The following TMIE variants were observed in gnomAD, a reference collection of about 807,000 sequenced individuals.
TMIE encodes the protein transmembrane inner ear expressed protein.
TMIE carries 14 observed loss-of-function variants against 16.8 expected under a neutral mutation model. The observed-to-expected ratio is 0.83, with a 90% CI of 0.55 to 1.30. TMIE has a LOEUF of 1.30. Ranked by LOEUF, TMIE falls within the 50% of genes most tolerant of loss-of-function variation. The pLI is 0.00. For missense variants in TMIE, 204 were observed against 205.9 expected (o/e 0.99, Z 0.06); for synonymous variants, 75 against 87.2 (o/e 0.86, Z 0.78).
rs574171016 is a variant in TMIE at position 46,706,032 on chromosome 3, G to A, written c.211+125G>A. 1.8e-5 allele frequency: 19 copies of A among 1,027,778 alleles called. No homozygotes were observed. The East Asian group carries it at 1.9e-4, about 10-fold the overall frequency. 63.7% of individuals were successfully genotyped at this position (1,027,778 alleles called of 1,614,324 possible). On this transcript the variant is annotated intron_variant, in intron 2 of 3. Coordinates refer to ENST00000643606, the MANE Select transcript of TMIE (RefSeq NM_147196.3). ...TAGGCCAGGCACCCGCAGGAGACCCGCGGTGGTTTCTGGCACCTCCTGATC... is the reference window on the plus strand; with the variant it reads ...TAGGCCAGGCACCCGCAGGAGACCCACGGTGGTTTCTGGCACCTCCTGATC...
At chr3:46,702,957 G>T (rs182083319) in intron 1 of TMIE, among the ~76,000 whole-genome samples, 218 of 152,264 alleles carry the variant, frequency 1.4e-3, no homozygotes, top group Admixed American at 5.6e-3. Context: ...AAAGCTGGGG[G>T]TGGGGGTTAA....
chr3:46,703,828 G>A (rs946283801), intron 1 of TMIE, among the ~76,000 whole-genome samples: 7 of 152,150 alleles, frequency 4.6e-5, no homozygotes, highest in Admixed American at 4.6e-4. Flanking sequence ...CGGACCTGGG[G>A]GAAGAAGGGC....
chr3:46,704,441 G>GC (rs1700519652), intron 1 of TMIE, among the ~76,000 whole-genome samples: 2 of 146,840 alleles, frequency 1.4e-5, no homozygotes, highest in East Asian at 2.1e-4. Context: ...GACACCCAGG[G>GC]CAGGACCATG....
At chr3:46,698,083 T>G (rs1173378029), upstream of TMIE, among the ~76,000 whole-genome samples, 1 of 151,964 alleles carries the variant, frequency 6.6e-6, no homozygotes, top group Non-Finnish European at 1.5e-5. Flanking sequence ...TGAGATGGAG[T>G]CTTGCTTTCG....
intron 1 of TMIE, among the ~76,000 whole-genome samples, 165 bp from the exon 2 acceptor site, chr3:46,705,625 G>C (rs1025613079): frequency 5.3e-5 from 8 of 152,198 alleles, no homozygotes; most frequent in South Asian, 4.1e-4. Flanking sequence ...CTCTAAATCT[G>C]GAACTTTCCA....
chr3:46,705,871 G>C lies in TMIE; in HGVS notation c.175G>C (p.Val59Leu), dbSNP rs367626468. 4 of 1,614,154 alleles carry C rather than the reference G, an allele frequency of 2.5e-6. No individual in the cohort carries two copies. The highest frequency in any genetic ancestry group is 1.1e-5 in the South Asian group (1 of 91,088). ...GTTCTGGGACATGCGCCTGTGGCAC[G>C]TGGTGGGCATCTTTTCGCTCTTCGT... ...VVFWDMRLWH[V>L]VGIFSLFVLS... Residue 59 changes from valine (V) to leucine (L), a missense_variant, in exon 2 of 4, where the codon GTG becomes CTG. Physicochemically the swap from Val to Leu is conservative, Grantham distance 32 (BLOSUM62 1). Coordinates refer to ENST00000643606, the MANE Select transcript of TMIE (RefSeq NM_147196.3).
At position 46,710,159 on chromosome 3, in the gene TMIE, G is replaced by T; in HGVS notation, c.*471G>T. Reference sequence around the variant, plus strand: ...GCAGAGAGGGTCACTGGGGGACACTGTGGCAGCAGGAGGGACTCTGTCTGG... The same window carrying T: ...GCAGAGAGGGTCACTGGGGGACACTTTGGCAGCAGGAGGGACTCTGTCTGG... On this transcript the variant is annotated 3_prime_UTR_variant, in exon 4 of 4. Transcript: ENST00000643606. The T allele has an allele frequency of 4.0e-6, 1 of 247,350 alleles. No individual in the cohort carries two copies. The highest frequency in any genetic ancestry group is 4.9e-5 in the Admixed American group (1 of 20,504). The allele number at this position is 247,350 out of a possible 1,614,324, so 15.3% of individuals were successfully genotyped here.
intron 2 of TMIE, among the ~76,000 whole-genome samples, 186 bp from the exon 3 acceptor site, chr3:46,708,940 G>T (rs1313869597): frequency 6.6e-6 from 1 of 152,214 alleles, no homozygotes; most frequent in Non-Finnish European, 1.5e-5. Context: ...AGTCAGCCCT[G>T]CTTAGGAAAG....
At chr3:46,705,414 C>A (rs1007144679) in intron 1 of TMIE, among the ~76,000 whole-genome samples, 1 of 152,196 alleles carries the variant, frequency 6.6e-6, no homozygotes, top group Non-Finnish European at 1.5e-5. Flanking sequence ...CCAGCACCCC[C>A]CAGGCCTCGC....
At chr3:46,709,554 AT>A in intron 3 of TMIE, 24 bp from the exon 4 acceptor site, 1 of 1,612,298 alleles carries the variant, frequency 6.2e-7, no homozygotes, top group Non-Finnish European at 8.5e-7. Flanking sequence ...CCACTATCAC[AT>A]GGTCTCTTCC....
rs62246206 is a variant in TMIE, at chr3:46,709,948, C to A, written c.*260C>A. 11,142 of 573,932 alleles carry A rather than the reference C, an allele frequency of 0.019. 163 individuals carry two copies. Among genetic ancestry groups the A allele is most frequent in the Non-Finnish European group, 0.026 (8,538 of 333,232 alleles). 35.6% of individuals were successfully genotyped at this position (573,932 alleles called of 1,614,324 possible). ...CTCGGCAGAGGTGGTCTGGTGCCAC[C>A]GTCCCTCTGCAGATACACTGCTCTC... On this transcript the variant is annotated 3_prime_UTR_variant, in exon 4 of 4. Coordinates refer to ENST00000643606, the MANE Select transcript of TMIE (RefSeq NM_147196.3).
upstream of TMIE, among the ~76,000 whole-genome samples, chr3:46,700,346 C>T (rs1700454976): frequency 6.6e-6 from 1 of 152,216 alleles, no homozygotes; most frequent in Admixed American, 6.5e-5. Context: ...GGTCCTTGCC[C>T]ATTCATGGCA....
upstream of TMIE, among the ~76,000 whole-genome samples, chr3:46,699,104 T>A (rs1025934204): frequency 1.4e-5 from 2 of 144,728 alleles, no homozygotes; most frequent in Non-Finnish European, 3.0e-5. Context: ...AGTTTCGCTC[T>A]TGTTGCTGCC....
chr3:46,704,372 C>T (rs1041581758), intron 1 of TMIE, among the ~76,000 whole-genome samples: 3 of 146,528 alleles, frequency 2.0e-5, no homozygotes, highest in Non-Finnish European at 3.0e-5. Context: ...TGGACCATGT[C>T]CCTAGACACT....
upstream of TMIE, among the ~76,000 whole-genome samples, chr3:46,700,046 G>A (rs1284536998): frequency 6.6e-6 from 1 of 152,202 alleles, no homozygotes; most frequent in Non-Finnish European, 1.5e-5. Context: ...TCCCTAGCCT[G>A]GCCTGTGACC....
chr3:46,701,600 G>A lies in TMIE; in HGVS notation c.93+20G>A. On this transcript the variant is annotated intron_variant, in intron 1 of 3. Transcript: ENST00000643606. The surrounding 1 kb of genome is among the most constrained non-coding windows in gnomAD (Gnocchi z 4.3). ...GTGGAGGTGAGGCCGCGGCACGGAG[G>A]GACTGGGGAGGCTGTCACCCTCCAG... 1.5e-5 allele frequency: 19 copies of A among 1,279,030 alleles called. No homozygotes were observed. The highest frequency in any genetic ancestry group is 1.9e-5 in the Non-Finnish European group (19 of 1,016,286). 79.2% of individuals were successfully genotyped at this position (1,279,030 alleles called of 1,614,324 possible). A position where few individuals can be genotyped will look rare whatever the true frequency, so the allele number is the denominator to read the frequency against.
chr3:46,702,111 G>A (rs1181014599), intron 1 of TMIE, among the ~76,000 whole-genome samples: 3 of 152,166 alleles, frequency 2.0e-5, no homozygotes, highest in Admixed American at 2.0e-4. Flanking sequence ...CAAGTTGGAG[G>A]GTGGGGGCAG....
intron 1 of TMIE, among the ~76,000 whole-genome samples, chr3:46,704,179 C>A (rs1700513243): frequency 6.6e-6 from 1 of 150,532 alleles, no homozygotes; most frequent in South Asian, 2.1e-4. Flanking sequence ...CAGGGTGGAC[C>A]ATGTCCCTAG....
At chr3:46,697,545 G>C (rs190750581), upstream of TMIE, among the ~76,000 whole-genome samples, 82 of 152,244 alleles carry the variant, frequency 5.4e-4, no homozygotes, top group African/African-American at 1.9e-3. Flanking sequence ...TGTATCCTTC[G>C]TAATACCCTT....
Sources: gnomAD v4.1 joint callset for allele counts (sites outside exome capture counted in the v4.1 genomes callset) on GRCh38, gnomAD v4.1.1 for gene constraint, Gnocchi (gnomAD v3.1) non-coding constraint, MANE v1.5 for transcripts, NCBI Gene and HGNC (gene_info 2026-07-23, HGNC 2026-07-21) for gene names.